The following BTBD9 variants were observed in gnomAD, a reference collection of about 807,000 sequenced individuals.
The protein encoded by BTBD9 is BTB/POZ domain-containing protein 9.
A neutral mutation model predicts 64.3 loss-of-function variants in BTBD9; 49 were observed. The ratio of observed to expected loss-of-function variants is 0.76; its 90% confidence interval spans 0.61 to 0.97. The LOEUF (loss-of-function observed/expected upper bound fraction) is 0.97. Among genes scored for constraint, BTBD9 ranks in the 50% least tolerant of loss-of-function variants. The probability of loss-of-function intolerance (pLI) is 0.00; values close to 1 mark genes in which losing one functional copy is unlikely to be tolerated. For synonymous variants in BTBD9, 260 were observed against 274.7 expected, an observed-to-expected ratio of 0.95 and a Z score of 0.53; for missense variants, 598 against 762.1, an observed-to-expected ratio of 0.78 and a Z score of 2.53.
At position 38,487,573 on chromosome 6, in the gene BTBD9, G is replaced by C. The variant is rs368305513; in HGVS notation, c.1154+90027C>G. Among the ~76,000 whole-genome samples the C allele has an allele frequency of 7.8e-5, 11 of 140,232 alleles. No homozygotes were observed. In the East Asian group the frequency reaches 1.8e-3, roughly 23 times the overall value. 92.0% of individuals were successfully genotyped at this position (140,232 alleles called of 152,430 possible). ...TTCCAGCCTGGGTGACAGAGCGAGAGAGACAGAGAGAGAGTCAGCGAGAGA... is the reference window on the plus strand; with the variant it reads ...TTCCAGCCTGGGTGACAGAGCGAGACAGACAGAGAGAGAGTCAGCGAGAGA... On this transcript the variant is annotated intron_variant, in intron 6 of 10. Transcript: ENST00000481247.
intron 7 of BTBD9, among the ~76,000 whole-genome samples, chr6:38,314,637 T>C (rs184207692): frequency 1.2e-3 from 177 of 152,268 alleles, no homozygotes; most frequent in Non-Finnish European, 1.9e-3. Flanking sequence ...TTGGGAGACT[T>C]TTTATTACGG....
intron 6 of BTBD9, among the ~76,000 whole-genome samples, chr6:38,349,366 A>G (rs1295707996): frequency 6.6e-6 from 1 of 152,202 alleles, no homozygotes; most frequent in Non-Finnish European, 1.5e-5. Context: ...TTTCTTGGTT[A>G]GGACTTTGAG....
intron 8 of BTBD9, among the ~76,000 whole-genome samples, chr6:38,267,234 T>C (rs879748035): frequency 5.3e-5 from 8 of 152,222 alleles, no homozygotes; most frequent in Non-Finnish European, 1.2e-4. Flanking sequence ...GTTTCTTCTG[T>C]TAATAGCTGA....
chr6:38,249,862 C>G (rs992378311), intron 9 of BTBD9, among the ~76,000 whole-genome samples: 1 of 151,956 alleles, frequency 6.6e-6, no homozygotes, highest in Non-Finnish European at 1.5e-5. Context: ...CTTCACATTC[C>G]AAATAGAAAC....
At chr6:38,248,040 CAA>C (rs1764270685) in intron 9 of BTBD9, among the ~76,000 whole-genome samples, 1 of 151,986 alleles carries the variant, frequency 6.6e-6, no homozygotes, top group Non-Finnish European at 1.5e-5. Flanking sequence ...ATCCCTTATA[CAA>C]AGTCGACCAT....
chr6:38,382,087 T>C (rs1244754022), intron 6 of BTBD9, among the ~76,000 whole-genome samples: 1 of 152,114 alleles, frequency 6.6e-6, no homozygotes, highest in Non-Finnish European at 1.5e-5. Flanking sequence ...GGAACCTAAT[T>C]AAAACCCTTC....
chr6:38,173,242 C>T lies in BTBD9; in HGVS notation c.*1743G>A, dbSNP rs1449355462. 6.6e-6 allele frequency: 1 copy of T among 152,234 alleles called. No homozygotes were observed. Among genetic ancestry groups the T allele is most frequent in the Non-Finnish European group, 1.5e-5 (1 of 68,082 alleles). The allele number at this position is 152,234 out of a possible 1,614,324, so 9.4% of individuals were successfully genotyped here. ...AGCAACCATGCTGGAGGGCCCCCCA[C>T]TGTGAGCGGGCGCCCACCGTTCCTT... On this transcript the variant is annotated 3_prime_UTR_variant, in exon 11 of 11. Coordinates refer to ENST00000481247, the MANE Select transcript of BTBD9 (RefSeq NM_001099272.2).
At chr6:38,410,421 C>T (rs979567012) in intron 6 of BTBD9, among the ~76,000 whole-genome samples, 2 of 151,610 alleles carry the variant, frequency 1.3e-5, no homozygotes, top group Admixed American at 6.6e-5. Flanking sequence ...TGCAGTGAGC[C>T]GTGACCACAC....
At chr6:38,584,625 G>A (rs529854527) in intron 4 of BTBD9, among the ~76,000 whole-genome samples, 34 of 152,214 alleles carry the variant, frequency 2.2e-4, no homozygotes, top group African/African-American at 7.9e-4. Flanking sequence ...CGCCCCAGTG[G>A]ATTATTTGGA....
At chr6:38,460,697 C>T (rs1244390187) in intron 6 of BTBD9, among the ~76,000 whole-genome samples, 1 of 152,170 alleles carries the variant, frequency 6.6e-6, no homozygotes, top group Admixed American at 6.5e-5. Context: ...GATCCCGGCT[C>T]ACTGCAGCCT....
chr6:38,507,316 C>T (rs1353975234), intron 6 of BTBD9, among the ~76,000 whole-genome samples: 1 of 152,182 alleles, frequency 6.6e-6, no homozygotes, highest in African/African-American at 2.4e-5. Flanking sequence ...TCACAGAAGA[C>T]TCTTACTAAA....
chr6:38,517,698 T>A (rs1773097845), intron 6 of BTBD9, among the ~76,000 whole-genome samples: 1 of 152,220 alleles, frequency 6.6e-6, no homozygotes. Flanking sequence ...AGGACTACTC[T>A]TAGTTCCTCC....
chr6:38,343,810 T>C (rs1216405220), intron 7 of BTBD9, among the ~76,000 whole-genome samples: 1 of 152,238 alleles, frequency 6.6e-6, no homozygotes, highest in Non-Finnish European at 1.5e-5. Flanking sequence ...CTCCTGCTAC[T>C]TTATTAATAT....
chr6:38,477,340 C>G (rs1486851761), intron 6 of BTBD9, among the ~76,000 whole-genome samples: 1 of 152,216 alleles, frequency 6.6e-6, no homozygotes, highest in Non-Finnish European at 1.5e-5. Flanking sequence ...CTAGTACCTA[C>G]TATGTGCTAG....
intron 1 of BTBD9, among the ~76,000 whole-genome samples, chr6:38,602,051 G>C (rs1174422029): frequency 6.6e-6 from 1 of 152,108 alleles, no homozygotes; most frequent in Non-Finnish European, 1.5e-5. Context: ...GTTGTTTGGG[G>C]ATAGAATGAT....
intron 8 of BTBD9, among the ~76,000 whole-genome samples, chr6:38,277,067 T>A (rs1193452536): frequency 1.3e-5 from 2 of 152,146 alleles, no homozygotes; most frequent in Non-Finnish European, 2.9e-5. Context: ...CGAAACCAAA[T>A]AAAATTTATT....
At chr6:38,348,814 A>G (rs192148443) in intron 6 of BTBD9, among the ~76,000 whole-genome samples, 38 of 152,354 alleles carry the variant, frequency 2.5e-4, no homozygotes, top group African/African-American at 7.7e-4. Context: ...AAGGCACTAC[A>G]GAGTTTTGAC....
intron 1 of BTBD9, among the ~76,000 whole-genome samples, chr6:38,599,828 G>A (rs546443158): frequency 6.6e-6 from 1 of 152,306 alleles, no homozygotes; most frequent in East Asian, 1.9e-4. Flanking sequence ...ACCCTCAAAA[G>A]GGGGAGCAAT....
At chr6:38,621,290 G>A (rs551925936) in intron 1 of BTBD9, among the ~76,000 whole-genome samples, 2 of 152,290 alleles carry the variant, frequency 1.3e-5, no homozygotes, top group African/African-American at 2.4e-5. Context: ...CTTCAAATAC[G>A]CACATGTGCG....
Sources: gnomAD v4.1 joint callset for allele counts (sites outside exome capture counted in the v4.1 genomes callset) on GRCh38, gnomAD v4.1.1 for gene constraint, MANE v1.5 for transcripts, NCBI Gene and HGNC (gene_info 2026-07-23, HGNC 2026-07-21) for gene names.